ZNF544: variants seen among roughly 807,000 people sequenced by gnomAD.
The protein encoded by ZNF544 is zinc finger protein AF020591.
ZNF544 carries 10 observed loss-of-function variants against 13.5 expected under a neutral mutation model. That is an observed-to-expected ratio of 0.74 (90% CI 0.46 to 1.25). The LOEUF is 1.25. Among genes scored for constraint, ZNF544 ranks in the 50% most tolerant of loss-of-function variants. The pLI, the probability that ZNF544 is intolerant of heterozygous loss-of-function variation, is 0.00. For missense variants in ZNF544, 896 were observed against 845.6 expected (o/e 1.06, Z -0.74); for synonymous variants, 323 against 300.5 (o/e 1.07, Z -0.77).
chr19:58,277,325 C>A (rs1160339779), exon 7 of ZNF544: 1 of 1,160,894 alleles, frequency 8.6e-7, no homozygotes, highest in Non-Finnish European at 1.1e-6. Context: ...GCTCCTCCGT[C>A]CCCACTGGTA....
At chr19:58,269,442 AAAC>A (rs2050336081) in intron 5 of ZNF544, among the ~76,000 whole-genome samples, 2 of 103,396 alleles carry the variant, frequency 1.9e-5, no homozygotes, top group East Asian at 3.0e-4. Context: ...TCTCAAAAAA[AAAC>A]AAACAAAAAA....
chr19:58,274,165 A>T (rs1158932771), intron 5 of ZNF544, among the ~76,000 whole-genome samples: 1 of 151,904 alleles, frequency 6.6e-6, no homozygotes, highest in Non-Finnish European at 1.5e-5. Context: ...AAAAAAATTA[A>T]TATATTTTAT....
rs530938160 is a variant in ZNF544 at position 58,239,727 on chromosome 19, C to T, written c.-59-4238C>T. Among the ~76,000 whole-genome samples the T allele has an allele frequency of 2.4e-3, 370 of 152,172 alleles. 1 individual carries two copies. The highest frequency in any genetic ancestry group is 3.0e-3 in the Admixed American group (46 of 15,270). ...CAGCCTGGCCAACATGGTAAAACCC[C>T]GTCTTTACTAAAAATACAAAAATTA... On this transcript the variant is annotated intron_variant, in intron 3 of 6. Coordinates refer to ENST00000687789, the MANE Select transcript of ZNF544 (RefSeq NM_014480.4).
intron 3 of ZNF544, among the ~76,000 whole-genome samples, chr19:58,232,534 T>C (rs2041487538): frequency 1.3e-5 from 2 of 151,738 alleles, no homozygotes; most frequent in South Asian, 4.1e-4. Context: ...GATTTTTTTG[T>C]AGAGACTTGG....
downstream of ZNF544, among the ~76,000 whole-genome samples, chr19:58,265,497 A>G (rs185464): frequency 0.61 from 93,060 of 151,900 alleles, 28,596 homozygotes; most frequent in Middle Eastern, 0.72. Context: ...AGGTTTCACC[A>G]TGTTAGCCAG....
intron 6 of ZNF544, among the ~76,000 whole-genome samples, chr19:58,250,769 G>A (rs547946089): frequency 2.6e-5 from 4 of 152,148 alleles, no homozygotes; most frequent in Admixed American, 6.5e-5. Context: ...TCCTGTCATC[G>A]TAGTTCATGT....
chr19:58,263,335 C>G lies in ZNF544; in HGVS notation c.*581C>G. The G allele has an allele frequency of 1.2e-6, 1 of 856,474 alleles. No individual in the cohort carries two copies. Among genetic ancestry groups the G allele is most frequent in the Non-Finnish European group, 1.4e-6 (1 of 712,090 alleles). The allele number at this position is 856,474 out of a possible 1,614,324, so 53.1% of individuals were successfully genotyped here. A position where few individuals can be genotyped will look rare whatever the true frequency, so the allele number is the denominator to read the frequency against. ...AATTAGCCTAGCATGGTGGCGCATA[C>G]CTGTAGTCCTAGCTACTCAGGAGGC... On this transcript the variant is annotated 3_prime_UTR_variant, in exon 7 of 7. Transcript: ENST00000687789.
chr19:58,242,877 T>A (rs1171385075), intron 3 of ZNF544, among the ~76,000 whole-genome samples: 1 of 152,084 alleles, frequency 6.6e-6, no homozygotes, highest in Non-Finnish European at 1.5e-5. Context: ...TTTTGTATTT[T>A]TAGTAGAGAC....
intron 5 of ZNF544, among the ~76,000 whole-genome samples, chr19:58,271,163 G>A (rs1038444102): frequency 6.7e-5 from 10 of 149,760 alleles, no homozygotes; most frequent in African/African-American, 2.5e-4. Flanking sequence ...AGTGAGCTGA[G>A]ATTGCATCAC....
At chr19:58,242,572 G>T (rs935017343) in intron 3 of ZNF544, among the ~76,000 whole-genome samples, 2 of 151,488 alleles carry the variant, frequency 1.3e-5, no homozygotes, top group Non-Finnish European at 2.9e-5. Context: ...GGAGTCCAGT[G>T]GTGTGATCTC....
At chr19:58,243,450 T>C (rs1174892421) in intron 3 of ZNF544, among the ~76,000 whole-genome samples, 2 of 143,898 alleles carry the variant, frequency 1.4e-5, no homozygotes, top group Non-Finnish European at 3.2e-5. Flanking sequence ...CTGAGTTCAG[T>C]AGAGAGGGTG....
At chr19:58,235,647 C>T (rs764926448) in intron 3 of ZNF544, among the ~76,000 whole-genome samples, 2 of 152,124 alleles carry the variant, frequency 1.3e-5, no homozygotes, top group Non-Finnish European at 2.9e-5. Context: ...ATGTTAATTA[C>T]CTCAATTTAG....
At chr19:58,255,193 C>T (rs929994968) in intron 6 of ZNF544, among the ~76,000 whole-genome samples, 3 of 137,808 alleles carry the variant, frequency 2.2e-5, no homozygotes, top group South Asian at 2.3e-4. Context: ...CAGCCTTAGA[C>T]GGAGTTTTGG....
chr19:58,238,717 C>T (rs545993594), intron 3 of ZNF544, among the ~76,000 whole-genome samples: 5 of 152,266 alleles, frequency 3.3e-5, no homozygotes, highest in African/African-American at 1.2e-4. Flanking sequence ...GTCCTCCCAC[C>T]TCCCTCATTG....
intron 4 of ZNF544, chr19:58,245,948 AC>A (rs2045104950): frequency 2.8e-6 from 1 of 352,192 alleles, no homozygotes; most frequent in African/African-American, 2.1e-5. Context: ...ATAATAAGAT[AC>A]CTTAGAGTGA....
At chr19:58,267,958 G>A (rs1018557397), downstream of ZNF544, among the ~76,000 whole-genome samples, 2 of 151,666 alleles carry the variant, frequency 1.3e-5, no homozygotes, top group African/African-American at 2.4e-5. Context: ...TCCATCCTGA[G>A]CAACAGAGCG....
intron 3 of ZNF544, among the ~76,000 whole-genome samples, chr19:58,240,987 T>C (rs1385401320): frequency 1.3e-5 from 2 of 149,656 alleles, no homozygotes; most frequent in Non-Finnish European, 3.0e-5. Flanking sequence ...ATTGTTGTTG[T>C]TTGAGACAGG....
chr19:58,249,743 C>A (rs962890123), intron 6 of ZNF544, among the ~76,000 whole-genome samples: 2 of 152,174 alleles, frequency 1.3e-5, no homozygotes, highest in African/African-American at 4.8e-5. Context: ...GAGATCTCAT[C>A]CCCTTCTGTT....
chr19:58,241,597 C>T (rs573716907), intron 3 of ZNF544, among the ~76,000 whole-genome samples: 3 of 151,596 alleles, frequency 2.0e-5, no homozygotes, highest in Non-Finnish European at 2.9e-5. Context: ...CCTGGGTTCA[C>T]GCTATTTTCC....
Sources: gnomAD v4.1 joint callset for allele counts (sites outside exome capture counted in the v4.1 genomes callset) on GRCh38, gnomAD v4.1.1 for gene constraint, MANE v1.5 for transcripts, NCBI Gene and HGNC (gene_info 2026-07-23, HGNC 2026-07-21) for gene names.